SMARCA2: variants seen among roughly 807,000 people sequenced by gnomAD.
The protein encoded by SMARCA2 is SWI/SNF-related matrix-associated actin-dependent regulator of chromatin subfamily A member 2.
Under a neutral mutation model 199.8 loss-of-function variants are expected in SMARCA2, and 61 were observed. The ratio of observed to expected loss-of-function variants is 0.31; its 90% CI spans 0.25 to 0.38. SMARCA2 has a LOEUF of 0.38. SMARCA2 is among the 10% of genes least tolerant of loss of function. The probability of loss-of-function intolerance (pLI) is 1.00; values close to 1 mark genes in which losing one functional copy is unlikely to be tolerated. For missense variants in SMARCA2, 1,344 were observed against 2,012.2 expected, an observed-to-expected ratio of 0.67 and a Z score of 6.35; for synonymous variants, 935 against 732.0, an observed-to-expected ratio of 1.28 and a Z score of -4.48.
intron 4 of SMARCA2, 116 bp from the exon 5 acceptor site, chr9:2,047,113 G>A (rs576166905): frequency 2.8e-6 from 2 of 711,010 alleles, no homozygotes; most frequent in African/African-American, 2.0e-5. Flanking sequence ...CTTCCCTCAG[G>A]TGTTTAAGAC....
At chr9:2,132,180 G>T (rs10964921) in intron 27 of SMARCA2, among the ~76,000 whole-genome samples, 2 of 152,048 alleles carry the variant, frequency 1.3e-5, no homozygotes, top group African/African-American at 2.4e-5. Context: ...ACGAAGAAAG[G>T]TTAAAGAACA....
chr9:2,172,466 C>T (rs771303971), intron 29 of SMARCA2, among the ~76,000 whole-genome samples: 4 of 148,658 alleles, frequency 2.7e-5, no homozygotes, highest in Non-Finnish European at 5.9e-5. Context: ...GTGGTATGTG[C>T]GGGAAGGGGG....
intron 21 of SMARCA2, 40 bp from the exon 22 acceptor site, chr9:2,101,530 C>A (rs781692171): frequency 4.1e-5 from 46 of 1,116,796 alleles, no homozygotes; most frequent in Non-Finnish European, 5.6e-5. Flanking sequence ...TTAATAATTA[C>A]ATTTTTTAAA....
chr9:2,160,210 G>A lies in SMARCA2; in HGVS notation c.3982-1476G>A, dbSNP rs1278274625. The A allele has an allele frequency of 8.3e-6, 3 of 363,362 alleles. No individual in the cohort carries two copies. The East Asian group carries it at 1.3e-4, about 16-fold the overall frequency. 22.5% of individuals were successfully genotyped at this position (363,362 alleles called of 1,614,324 possible). On this transcript the variant is annotated intron_variant, in intron 27 of 33. Transcript: ENST00000349721. ...ATGAATATTAATGCAATAATGTGAA[G>A]CTTTTTTTTTTTTTTTCCTTTTCCT...
At position 2,115,149 on chromosome 9, in the gene SMARCA2, C is replaced by T. The variant is rs1156581844; in HGVS notation, c.3457-673C>T. Among the ~76,000 whole-genome samples, 3 of 151,750 alleles carry T rather than the reference C, an allele frequency of 2.0e-5. No homozygotes were observed. Among genetic ancestry groups the T allele is most frequent in the South Asian group, 2.1e-4 (1 of 4,830 alleles). On this transcript the variant is annotated intron_variant, in intron 24 of 33. Coordinates refer to ENST00000349721, the MANE Select transcript of SMARCA2 (RefSeq NM_003070.5). The surrounding 1 kb of genome is among the most constrained non-coding windows in gnomAD (Gnocchi z 6.0). ...TGATTATTTGTTTAGGATACATTTC[C>T]GAAGTAATATTTCTAAGTCGGAGAC...
chr9:2,187,242 A>G (rs538429108), intron 32 of SMARCA2, among the ~76,000 whole-genome samples: 4 of 152,016 alleles, frequency 2.6e-5, no homozygotes, highest in Non-Finnish European at 5.9e-5. Context: ...ACCTTTTAGG[A>G]TATTAGTTGA....
intron 28 of SMARCA2, among the ~76,000 whole-genome samples, chr9:2,168,729 T>C (rs1405441035): frequency 6.6e-6 from 1 of 152,264 alleles, no homozygotes; most frequent in Non-Finnish European, 1.5e-5. Flanking sequence ...TATTATTTTT[T>C]GTTGCTTTGT....
intron 27 of SMARCA2, among the ~76,000 whole-genome samples, chr9:2,135,604 C>T (rs1474682111): frequency 6.6e-6 from 1 of 152,190 alleles, no homozygotes; most frequent in Non-Finnish European, 1.5e-5. Context: ...TACAGTGGTG[C>T]AATCTTGGCT....
chr9:2,144,390 G>A (rs1824618868), intron 27 of SMARCA2, among the ~76,000 whole-genome samples: 1 of 152,136 alleles, frequency 6.6e-6, no homozygotes, highest in African/African-American at 2.4e-5. Context: ...ATGGGGGTGG[G>A]ACAAGACCAG....
Position 2,159,590 on chromosome 9 carries a change from ATC to A in SMARCA2, c.3982-2092_3982-2091del, listed in dbSNP as rs1825558486. 1.8e-5 allele frequency: 8 copies of A among 440,986 alleles called. No individual in the cohort carries two copies. The South Asian group carries it at 3.7e-4, about 20-fold the overall frequency. 27.3% of individuals were successfully genotyped at this position (440,986 alleles called of 1,614,324 possible). On this transcript the variant is annotated intron_variant, in intron 27 of 33. Coordinates refer to ENST00000349721, the MANE Select transcript of SMARCA2 (RefSeq NM_003070.5). ...AGACTCAGAAACCATCTGAGCTAAA[ATC>A]TCTAATTCTGCTGCCTGGAATAATA...
At chr9:2,102,619 T>C (rs1209896855) in intron 22 of SMARCA2, among the ~76,000 whole-genome samples, 1 of 152,168 alleles carries the variant, frequency 6.6e-6, no homozygotes, top group African/African-American at 2.4e-5. Context: ...ATGGGTGAAC[T>C]GTAGAGGGAA....
At chr9:2,138,054 T>C (rs148179464) in intron 27 of SMARCA2, among the ~76,000 whole-genome samples, 4 of 152,300 alleles carry the variant, frequency 2.6e-5, no homozygotes, top group African/African-American at 9.6e-5. Flanking sequence ...TTAATGAAGA[T>C]TTAAATATGC....
At chr9:2,062,710 T>G (rs966894398) in intron 9 of SMARCA2, among the ~76,000 whole-genome samples, 1 of 152,148 alleles carries the variant, frequency 6.6e-6, no homozygotes, top group African/African-American at 2.4e-5. Context: ...GAACACTTAC[T>G]ATGAGCTAGG....
intron 24 of SMARCA2, among the ~76,000 whole-genome samples, chr9:2,113,372 C>A (rs563089011): frequency 5.3e-4 from 81 of 152,138 alleles, no homozygotes; most frequent in Non-Finnish European, 6.2e-4. Context: ...GTTGCTATTA[C>A]GGAATGGTCG....
Position 2,191,344 on chromosome 9 carries a change from C to T in SMARCA2, c.4673C>T (p.Pro1558Leu), listed in dbSNP as rs778494811. The change falls in exon 33 of 34, where the codon CCA becomes CTA. Residue 1558 changes from proline to leucine, a missense_variant. Physicochemically the swap from Pro to Leu is moderately conservative, Grantham distance 98. Around this residue, in one of 18 missense-constraint regions of SMARCA2, gnomAD observed 155 missense variants for 121.1 expected, o/e 1.28. Coordinates refer to ENST00000349721, the MANE Select transcript of SMARCA2 (RefSeq NM_003070.5). The stretch of plus-strand genomic sequence containing the variant: ...GACAAAGGGAAAGGCAAGAAAAGGC[C>T]AAATCGAGGAAAAGCCAAACCTGTA... Reference protein sequence around the residue: ...GRDKGKGKKRPNRGKAKPVVS... With the variant: ...GRDKGKGKKRLNRGKAKPVVS... The T allele has an allele frequency of 1.9e-6, 3 of 1,614,124 alleles. No individual in the cohort carries two copies. The highest frequency in any genetic ancestry group is 2.2e-5 in the South Asian group (2 of 91,076).
chr9:2,192,065 C>G (rs1024403592), intron 33 of SMARCA2: 1 of 154,628 alleles, frequency 6.5e-6, no homozygotes, highest in Non-Finnish European at 1.4e-5. Context: ...AGGTGGAATT[C>G]GGACCCGAGT....
intron 29 of SMARCA2, among the ~76,000 whole-genome samples, chr9:2,180,063 G>A (rs938831310): frequency 1.3e-5 from 2 of 152,164 alleles, no homozygotes; most frequent in East Asian, 1.9e-4. Context: ...AGTTAGGGAA[G>A]GACGAACGCA....
At chr9:2,040,234 G>A (rs1819547810) in intron 4 of SMARCA2, 1 of 509,764 alleles carries the variant, frequency 2.0e-6, no homozygotes, top group Non-Finnish European at 3.4e-6. Context: ...TGGACTTAGT[G>A]CATTTCATCC....
intron 5 of SMARCA2, among the ~76,000 whole-genome samples, chr9:2,051,293 C>T (rs904516721): frequency 4.6e-5 from 7 of 152,110 alleles, no homozygotes; most frequent in African/African-American, 1.7e-4. Flanking sequence ...TTCTTGCCTC[C>T]CTTCCAGAAA....
Sources: gnomAD v4.1 joint callset for allele counts (sites outside exome capture counted in the v4.1 genomes callset) on GRCh38, gnomAD v4.1.1 for gene constraint, gnomAD v4.1.1 regional missense constraint, Gnocchi (gnomAD v3.1) non-coding constraint, MANE v1.5 for transcripts, NCBI Gene and HGNC (gene_info 2026-07-23, HGNC 2026-07-21) for gene names.